Variants in SELENOT observed in about 807,000 individuals in gnomAD.
SELENOT encodes selenoprotein T, also known as thioredoxin reductase-like selenoprotein T.
Under a neutral mutation model 24.3 loss-of-function variants are expected in SELENOT, and 9 were observed. The ratio of observed to expected loss-of-function variants is 0.37; its 90% CI spans 0.22 to 0.65. The LOEUF (loss-of-function observed/expected upper bound fraction) is 0.65. SELENOT is among the 30% of genes least tolerant of loss of function. The pLI, the probability that SELENOT is intolerant of heterozygous loss-of-function variation, is 0.60. For synonymous variants in SELENOT, 81 were observed against 86.0 expected (o/e 0.94, Z 0.32); for missense variants, 166 against 247.6 (o/e 0.67, Z 2.21).
At chr3:150,618,846 A>C (rs1170760407) in intron 1 of SELENOT, 2 of 152,184 alleles carry the variant, frequency 1.3e-5, no homozygotes, top group African/African-American at 2.4e-5. Context: ...TAAAAAGCAC[A>C]AAACCAATTT....
rs1456157018 is a variant in SELENOT, at chr3:150,630,288, A to G, written c.*2659A>G. On this transcript the variant is annotated 3_prime_UTR_variant, in exon 6 of 6. Coordinates refer to ENST00000471696, the MANE Select transcript of SELENOT (RefSeq NM_016275.5). Reference sequence around the variant, plus strand: ...ATTGTCAGAATTTAATTTAGATTTCAAAAATAGCTTACAGGATTTTAAACA... The same window carrying G: ...ATTGTCAGAATTTAATTTAGATTTCGAAAATAGCTTACAGGATTTTAAACA... 6.6e-6 allele frequency: 1 copy of G among 152,186 alleles called. No individual in the cohort carries two copies. The highest frequency in any genetic ancestry group is 1.5e-5 in the Non-Finnish European group (1 of 68,028). 9.4% of individuals were successfully genotyped at this position (152,186 alleles called of 1,614,324 possible). A position where few individuals can be genotyped will look rare whatever the true frequency, so the allele number is the denominator to read the frequency against.
chr3:150,618,383 TATCTG>T (rs1333286763), intron 1 of SELENOT, among the ~76,000 whole-genome samples: 1 of 152,230 alleles, frequency 6.6e-6, no homozygotes, highest in Non-Finnish European at 1.5e-5. Flanking sequence ...TAACAATAAA[TATCTG>T]AGATCTTGTT....
chr3:150,611,816 T>TGGCGACCAC, intron 1 of SELENOT: 1 of 970,590 alleles, frequency 1.0e-6, no homozygotes, highest in South Asian at 1.5e-5. Context: ...GACGAGGCAC[T>TGGCGACCAC]GGCGACCACA....
Position 150,628,356 on chromosome 3 carries a change from A to T in SELENOT, c.*727A>T, listed in dbSNP as rs1441023688. On this transcript the variant is annotated 3_prime_UTR_variant, in exon 6 of 6. Transcript: ENST00000471696. ...ACTGGGCCTTTATACTTAACTAAATAAAAAACTAAGCAGATATGAGTTAAA... is the reference window on the plus strand; with the variant it reads ...ACTGGGCCTTTATACTTAACTAAATTAAAAACTAAGCAGATATGAGTTAAA... 1.3e-5 allele frequency: 2 copies of T among 152,646 alleles called. No individual in the cohort carries two copies. The highest frequency in any genetic ancestry group is 2.4e-5 in the African/African-American group (1 of 41,462). The allele number at this position is 152,646 out of a possible 1,614,324, so 9.5% of individuals were successfully genotyped here.
chr3:150,612,009 C>T, intron 1 of SELENOT: 1 of 516,426 alleles, frequency 1.9e-6, no homozygotes. Context: ...CTGCTGGCGC[C>T]GAAACAGTGG....
Position 150,617,289 on chromosome 3 carries a change from T to TA in SELENOT, c.138-5087dup, listed in dbSNP as rs1157687377. On this transcript the variant is annotated intron_variant, in intron 1 of 5. Transcript: ENST00000471696. ...TCTTATTTAGTAATGATGGAAATGC[T>TA]AAAAAAAAATTTTTGTTTTAACAAA... Among the ~76,000 whole-genome samples, 10 of 151,932 alleles carry TA rather than the reference T, an allele frequency of 6.6e-5. No homozygotes were observed. The East Asian group carries it at 9.7e-4, about 15-fold the overall frequency.
At chr3:150,619,322 G>GCTC (rs1726289295) in intron 1 of SELENOT, among the ~76,000 whole-genome samples, 1 of 151,652 alleles carries the variant, frequency 6.6e-6, no homozygotes, top group South Asian at 2.1e-4. Context: ...ATGAGGTCAG[G>GCTC]AATTCGAGAC....
chr3:150,606,976 C>G (rs1313754010), intron 1 of SELENOT, among the ~76,000 whole-genome samples: 1 of 152,166 alleles, frequency 6.6e-6, no homozygotes, highest in Non-Finnish European at 1.5e-5. Context: ...GTTTGTCATA[C>G]ATACTTTCTC....
At chr3:150,606,321 T>C (rs1466529289) in intron 1 of SELENOT, among the ~76,000 whole-genome samples, 2 of 151,434 alleles carry the variant, frequency 1.3e-5, no homozygotes, top group African/African-American at 2.4e-5. Flanking sequence ...TTTCATATTT[T>C]TTGTAGAGAC....
Position 150,622,478 on chromosome 3 carries a change from C to A in SELENOT, c.231C>A (p.Leu77=). ...PDIRIEGENY[L]PQPIYRHIAS... is the part of the protein sequence containing the mutation. Reference sequence around the variant, plus strand: ...TCCGCATTGAAGGAGAGAATTACCTCCCTCAACCAATATATAGGTAAGAAA... The same window carrying A: ...TCCGCATTGAAGGAGAGAATTACCTACCTCAACCAATATATAGGTAAGAAA... The change falls in exon 2 of 6, where the codon CTC becomes CTA. Residue 77 remains leucine (L), a synonymous_variant. Transcript: ENST00000471696. 1 of 1,483,058 alleles carries A rather than the reference C, an allele frequency of 6.7e-7. No individual in the cohort carries two copies. The highest frequency in any genetic ancestry group is 2.6e-5 in the East Asian group (1 of 38,936). 91.9% of individuals were successfully genotyped at this position (1,483,058 alleles called of 1,614,324 possible). A position where few individuals can be genotyped will look rare whatever the true frequency, so the allele number is the denominator to read the frequency against.
chr3:150,622,522 A>G, intron 2 of SELENOT, 27 bp downstream of exon 2: 1 of 1,146,512 alleles, frequency 8.7e-7, no homozygotes, highest in Non-Finnish European at 1.2e-6. Flanking sequence ...ACTTAAAAGG[A>G]AAACAATGTA....
At chr3:150,625,870 C>CTTTTTT (rs34698339) in intron 4 of SELENOT, among the ~76,000 whole-genome samples, 2 of 139,296 alleles carry the variant, frequency 1.4e-5, no homozygotes, top group Admixed American at 1.5e-4. Flanking sequence ...TAAACAATAA[C>CTTTTTT]TTTTTTTTTT....
At chr3:150,607,967 TG>T (rs1252890442) in intron 1 of SELENOT, among the ~76,000 whole-genome samples, 1 of 152,066 alleles carries the variant, frequency 6.6e-6, no homozygotes, top group Non-Finnish European at 1.5e-5. Context: ...TAATGGAACT[TG>T]GAAAAGTAAG....
intron 4 of SELENOT, among the ~76,000 whole-genome samples, chr3:150,625,963 A>G (rs768146680): frequency 6.7e-6 from 1 of 148,852 alleles, no homozygotes; most frequent in Non-Finnish European, 1.5e-5. Flanking sequence ...TCTGCCTCCC[A>G]GGTTCACGCC....
chr3:150,615,159 T>A (rs1015634000), intron 1 of SELENOT, among the ~76,000 whole-genome samples: 4 of 150,394 alleles, frequency 2.7e-5, no homozygotes, highest in African/African-American at 9.8e-5. Flanking sequence ...AATGATGGTT[T>A]CCAATTTCAT....
chr3:150,622,315 C>A, intron 1 of SELENOT, 70 bp from the exon 2 acceptor site: 1 of 666,302 alleles, frequency 1.5e-6, no homozygotes, highest in Non-Finnish European at 2.2e-6. Context: ...AATTTTTAGG[C>A]TTTAACTAAC....
chr3:150,612,377 G>A (rs575541770), intron 1 of SELENOT, among the ~76,000 whole-genome samples: 6 of 152,160 alleles, frequency 3.9e-5, no homozygotes, highest in African/African-American at 1.4e-4. Context: ...ACAGGTGTGA[G>A]CCACCATGCC....
intron 1 of SELENOT, among the ~76,000 whole-genome samples, chr3:150,622,114 CTT>C (rs78339654): frequency 7.0e-6 from 1 of 143,062 alleles, no homozygotes; most frequent in Non-Finnish European, 1.5e-5. Context: ...GTTTAATGTT[CTT>C]TTTTTTTTTT....
At chr3:150,622,313 G>T in intron 1 of SELENOT, 72 bp from the exon 2 acceptor site, 1 of 623,330 alleles carries the variant, frequency 1.6e-6, no homozygotes, top group Non-Finnish European at 2.4e-6. Flanking sequence ...ATAATTTTTA[G>T]GCTTTAACTA....
Sources: gnomAD v4.1 joint callset for allele counts (sites outside exome capture counted in the v4.1 genomes callset) on GRCh38, gnomAD v4.1.1 for gene constraint, MANE v1.5 for transcripts, NCBI Gene and HGNC (gene_info 2026-07-23, HGNC 2026-07-21) for gene names.